ANO4: variants seen among roughly 807,000 people sequenced by gnomAD.
The protein encoded by ANO4 is anoctamin 4, also known as anoctamin-4.
A neutral mutation model predicts 141.9 loss-of-function variants in ANO4; 69 were observed. The observed-to-expected ratio is 0.49, with a 90% CI of 0.40 to 0.59. The LOEUF is 0.59. Ranked by LOEUF, ANO4 falls within the 20% of genes least tolerant of loss-of-function variation. The pLI is 0.00. For missense variants in ANO4, 894 were observed against 1,162.2 expected, an observed-to-expected ratio of 0.77 and a Z score of 3.36; for synonymous variants, 350 against 394.3, an observed-to-expected ratio of 0.89 and a Z score of 1.33.
At chr12:100,988,562 G>T (rs1249908812) in intron 8 of ANO4, among the ~76,000 whole-genome samples, 2 of 148,498 alleles carry the variant, frequency 1.3e-5, no homozygotes, top group African/African-American at 2.5e-5. Flanking sequence ...AAAAAAAAAA[G>T]GTTGCTGATT....
At chr12:100,908,675 C>T (rs1442886635) in intron 2 of ANO4, among the ~76,000 whole-genome samples, 1 of 152,174 alleles carries the variant, frequency 6.6e-6, no homozygotes, top group Non-Finnish European at 1.5e-5. Flanking sequence ...AACTGAGTTT[C>T]TTAAGTGCAG....
At position 100,899,564 on chromosome 12, in the gene ANO4, A is replaced by T. The variant is rs1593685722; in HGVS notation, c.-140-2082A>T. Among the ~76,000 whole-genome samples the T allele has an allele frequency of 2.6e-5, 4 of 152,298 alleles. 1 individual carries two copies. The highest frequency in any genetic ancestry group is 2.6e-4 in the Admixed American group (4 of 15,296). ...CCTATATTTGTTACAGTTTGTTTTA[A>T]TGATTTCCTGGCTTAACAAGCCCTA... On this transcript the variant is annotated intron_variant, in intron 1 of 27. Transcript: ENST00000392977.
At chr12:100,790,860 G>A (rs2034024015), upstream of ANO4, among the ~76,000 whole-genome samples, 1 of 152,124 alleles carries the variant, frequency 6.6e-6, no homozygotes, top group Non-Finnish European at 1.5e-5. Context: ...TAAGCACTTT[G>A]GGGAAATTAT....
chr12:101,037,468 G>C (rs2047244295), intron 10 of ANO4, among the ~76,000 whole-genome samples: 1 of 152,170 alleles, frequency 6.6e-6, no homozygotes, highest in Non-Finnish European at 1.5e-5. Context: ...AAATCCACAA[G>C]AAGAATGTTC....
Position 100,942,367 on chromosome 12 carries a change from T to G in ANO4, c.298-10T>G. The G allele has an allele frequency of 1.2e-6, 2 of 1,610,252 alleles. No homozygotes were observed. The highest frequency in any genetic ancestry group is 2.2e-5 in the South Asian group (2 of 89,980). On this transcript the variant is annotated splice_polypyrimidine_tract_variant and intron_variant, in intron 4 of 27. Transcript: ENST00000392977. ...ATGACTTAAACTGGTCCCTTTCTCT[T>G]TGTGTGCAGACAGTGCCAGAAAGAA...
At chr12:101,067,517 A>C (rs1004786812) in intron 14 of ANO4, among the ~76,000 whole-genome samples, 1 of 152,192 alleles carries the variant, frequency 6.6e-6, no homozygotes, top group African/African-American at 2.4e-5. Context: ...CCTTGTCTCT[A>C]CTAAAAATAT....
intron 2 of ANO4, among the ~76,000 whole-genome samples, chr12:100,917,934 G>T (rs1279538777): frequency 6.6e-6 from 1 of 152,162 alleles, no homozygotes; most frequent in Non-Finnish European, 1.5e-5. Flanking sequence ...TTTAATATCT[G>T]CAGTCTTTAT....
chr12:100,975,250 T>C (rs2044115365), intron 7 of ANO4, among the ~76,000 whole-genome samples: 1 of 151,796 alleles, frequency 6.6e-6, no homozygotes, highest in Admixed American at 6.6e-5. Flanking sequence ...TTCTGAGATT[T>C]TGGTGCACCC....
At chr12:101,082,087 T>A (rs897181779) in intron 15 of ANO4, among the ~76,000 whole-genome samples, 1 of 152,184 alleles carries the variant, frequency 6.6e-6, no homozygotes, top group Non-Finnish European at 1.5e-5. Context: ...CCAAATCTCA[T>A]CTTTAGTTGT....
chr12:101,028,176 G>T lies in ANO4; in HGVS notation c.841+8036G>T, dbSNP rs563717440. 4.6e-5 allele frequency among the ~76,000 whole-genome samples: 7 copies of T among 152,234 alleles called. No homozygotes were observed. In the South Asian group the frequency reaches 1.5e-3, roughly 32 times the overall value. ...GTCCTCACAAAAACCCCATCCAGTG[G>T]TCAGCTGCCTCAAAGATCGAAACTA... On this transcript the variant is annotated intron_variant, in intron 9 of 27. Coordinates refer to ENST00000392977, the MANE Select transcript of ANO4 (RefSeq NM_001286615.2).
upstream of ANO4, among the ~76,000 whole-genome samples, chr12:100,790,149 G>C (rs1228363919): frequency 1.3e-5 from 2 of 152,122 alleles, no homozygotes; most frequent in Non-Finnish European, 2.9e-5. Context: ...CACTCTCTGT[G>C]GGGAATAGCA....
intron 5 of ANO4, among the ~76,000 whole-genome samples, chr12:100,946,079 T>G (rs1172189311): frequency 6.6e-6 from 1 of 152,154 alleles, no homozygotes; most frequent in Non-Finnish European, 1.5e-5. Flanking sequence ...AGAAAGAGAA[T>G]AGCAAGTGCA....
rs1593264376 is a variant in ANO4, at chr12:101,098,642, A to G, written c.2006+697A>G. On this transcript the variant is annotated intron_variant, in intron 21 of 27. Transcript: ENST00000392977. ...TTCTGTTCTTAGATTTATTTTTAGA[A>G]ATCTTGTTCCAAGTATTTGATGTTT... Among the ~76,000 whole-genome samples the G allele has an allele frequency of 2.0e-5, 3 of 152,316 alleles. No homozygotes were observed. The East Asian group carries it at 5.8e-4, about 29-fold the overall frequency.
intron 5 of ANO4, among the ~76,000 whole-genome samples, chr12:100,966,227 C>T (rs985475235): frequency 2.6e-5 from 4 of 152,160 alleles, no homozygotes; most frequent in Admixed American, 2.6e-4. Context: ...TGTGGCCCCT[C>T]TTGGAGATAA....
chr12:101,041,907 T>G lies in ANO4; in HGVS notation c.1020-427T>G, dbSNP rs753056272. ...TGAGTAGAATGAAAGTTGTGGAGCA[T>G]CTAGGGAATGTCATCTCTTAGACAG... On this transcript the variant is annotated intron_variant, in intron 11 of 27. Transcript: ENST00000392977. Among the ~76,000 whole-genome samples, 25 of 152,156 alleles carry G rather than the reference T, an allele frequency of 1.6e-4. 1 individual carries two copies. Among genetic ancestry groups the G allele is most frequent in the Non-Finnish European group, 2.9e-4 (20 of 68,032 alleles).
chr12:100,949,311 A>G (rs973101168), intron 5 of ANO4, among the ~76,000 whole-genome samples: 1 of 152,228 alleles, frequency 6.6e-6, no homozygotes, highest in African/African-American at 2.4e-5. Context: ...TTATGCAACA[A>G]TAGATAATTA....
intron 2 of ANO4, among the ~76,000 whole-genome samples, chr12:100,913,319 G>T (rs2041196666): frequency 6.6e-6 from 1 of 152,100 alleles, no homozygotes; most frequent in African/African-American, 2.4e-5. Context: ...GCGTTTTGTG[G>T]AATTTAAAAC....
intron 8 of ANO4, among the ~76,000 whole-genome samples, chr12:100,991,203 G>A (rs1246697196): frequency 6.6e-6 from 1 of 152,178 alleles, no homozygotes; most frequent in Non-Finnish European, 1.5e-5. Flanking sequence ...TCCCTCGGGT[G>A]TATAAAAGTA....
chr12:100,839,978 G>T (rs1433010287), intron 1 of ANO4, among the ~76,000 whole-genome samples: 1 of 152,112 alleles, frequency 6.6e-6, no homozygotes, highest in African/African-American at 2.4e-5. Flanking sequence ...GCATCAGCTA[G>T]TGCATCGTAC....
Sources: gnomAD v4.1 joint callset for allele counts (sites outside exome capture counted in the v4.1 genomes callset) on GRCh38, gnomAD v4.1.1 for gene constraint, MANE v1.5 for transcripts, NCBI Gene and HGNC (gene_info 2026-07-23, HGNC 2026-07-21) for gene names.